Variants in RMDN3 observed in about 807,000 individuals in gnomAD.
The protein encoded by RMDN3 is regulator of microtubule dynamics 3, also known as regulator of microtubule dynamics protein 3.
A neutral mutation model predicts 61.8 loss-of-function variants in RMDN3; 41 were observed. The ratio of observed to expected loss-of-function variants is 0.66; its 90% CI spans 0.52 to 0.86. The LOEUF (loss-of-function observed/expected upper bound fraction) is 0.86, where lower values mean the gene tolerates loss of function less well. RMDN3 is among the 40% of genes least tolerant of loss of function. The pLI is 0.00. For missense variants in RMDN3, 557 were observed against 585.3 expected, an observed-to-expected ratio of 0.95 and a Z score of 0.50; for synonymous variants, 247 against 232.0, an observed-to-expected ratio of 1.06 and a Z score of -0.59.
intron 2 of RMDN3, among the ~76,000 whole-genome samples, chr15:40,754,316 G>A (rs887295285): frequency 7.2e-5 from 11 of 152,144 alleles, no homozygotes; most frequent in Non-Finnish European, 1.6e-4. Flanking sequence ...TTTTAGTAGA[G>A]ATGGGGTTTC....
Position 40,737,106 on chromosome 15 carries a change from A to T in RMDN3, c.1359+18T>A. The T allele has an allele frequency of 6.3e-7, 1 of 1,599,428 alleles. No individual in the cohort carries two copies. Among genetic ancestry groups the T allele is most frequent in the Non-Finnish European group, 8.6e-7 (1 of 1,166,642 alleles). ...ACTTCAGGTGATCTGCCCAACAGGCAGTATTAAAAAGCCTTACCTCCTTCG... is the reference window on the plus strand; with the variant it reads ...ACTTCAGGTGATCTGCCCAACAGGCTGTATTAAAAAGCCTTACCTCCTTCG... On this transcript the variant is annotated intron_variant, in intron 12 of 12. Transcript: ENST00000338376.
chr15:40,751,057 G>C (rs1455257946), intron 4 of RMDN3, among the ~76,000 whole-genome samples: 2 of 152,210 alleles, frequency 1.3e-5, no homozygotes, highest in African/African-American at 4.8e-5. Context: ...GGAAGAGGGT[G>C]ACTCCCAGGG....
chr15:40,741,448 C>T (rs1002392014), intron 6 of RMDN3, among the ~76,000 whole-genome samples: 3 of 151,986 alleles, frequency 2.0e-5, no homozygotes, highest in East Asian at 1.9e-4. Flanking sequence ...CCAGAGATGA[C>T]GTTCACTTAG....
chr15:40,750,462 C>T (rs12438182), intron 4 of RMDN3, among the ~76,000 whole-genome samples: 3 of 151,754 alleles, frequency 2.0e-5, no homozygotes, highest in Non-Finnish European at 2.9e-5. Flanking sequence ...TCAGGTGATC[C>T]GCCCACCTTG....
intron 7 of RMDN3, 91 bp from the exon 8 acceptor site, chr15:40,738,667 C>G (rs2304582): frequency 0.53 from 654,995 of 1,239,108 alleles, 178,823 homozygotes; most frequent in East Asian, 0.82. Flanking sequence ...TGCATTGTCC[C>G]CTATCCCTGT....
At chr15:40,751,398 A>G (rs753687903) in intron 4 of RMDN3, 28 bp downstream of exon 4, 22 of 1,609,230 alleles carry the variant, frequency 1.4e-5, no homozygotes, top group African/African-American at 1.2e-4. Context: ...GGCTGTAGCC[A>G]TAACTGCCTC....
chr15:40,743,999 C>G (rs1385437828), intron 6 of RMDN3, 48 bp downstream of exon 6: 1 of 1,528,446 alleles, frequency 6.5e-7, no homozygotes, highest in East Asian at 2.3e-5. Flanking sequence ...GCCAGCCCCA[C>G]CCCTGAATCA....
At chr15:40,744,347 C>A in intron 5 of RMDN3, 198 bp from the exon 6 acceptor site, 1 of 563,658 alleles carries the variant, frequency 1.8e-6, no homozygotes, top group East Asian at 3.1e-5. Context: ...CATTCTCTGT[C>A]TAGCCAGTAG....
At chr15:40,741,399 C>G (rs1897271760) in intron 6 of RMDN3, among the ~76,000 whole-genome samples, 1 of 152,034 alleles carries the variant, frequency 6.6e-6, no homozygotes, top group African/African-American at 2.4e-5. Context: ...AGCTCTAGGC[C>G]AAAACTCTTT....
Position 40,737,647 on chromosome 15 carries a change from G to C in RMDN3, c.1205C>G (p.Ala402Gly), listed in dbSNP as rs778478991. ...TCATACCTTTAGGAAGCTCTGGAGG[G>C]CATCTTCCACAGTGGCACTGAGAGG... ...ESPLSATVED[A>G]LQSFLKAEEL... is the part of the protein sequence containing the mutation. The change falls in exon 10 of 13, where the codon GCC becomes GGC. Residue 402 changes from alanine to glycine, a missense_variant. Ala to Gly is a moderately conservative substitution (Grantham distance 60). Coordinates refer to ENST00000338376, the MANE Select transcript of RMDN3 (RefSeq NM_018145.3). The C allele has an allele frequency of 1.2e-6, 2 of 1,613,960 alleles. No homozygotes were observed. The highest frequency in any genetic ancestry group is 1.7e-6 in the Non-Finnish European group (2 of 1,179,908).
intron 6 of RMDN3, among the ~76,000 whole-genome samples, chr15:40,742,961 G>C (rs1897340993): frequency 6.6e-6 from 1 of 152,060 alleles, no homozygotes; most frequent in Non-Finnish European, 1.5e-5. Flanking sequence ...TTTTTCTGAG[G>C]GTCTACAGAG....
Position 40,744,168 on chromosome 15 carries a change from C to T in RMDN3, c.808-19G>A, listed in dbSNP as rs770466009. The T allele has an allele frequency of 2.9e-5, 47 of 1,610,276 alleles. No individual in the cohort carries two copies. The highest frequency in any genetic ancestry group is 2.0e-4 in the East Asian group (9 of 44,864). On this transcript the variant is annotated intron_variant, in intron 5 of 12. Coordinates refer to ENST00000338376, the MANE Select transcript of RMDN3 (RefSeq NM_018145.3). ...TTCCATACTGCAGACCAGACAGAAA[C>T]GGGTGAGGCCCCTTTTTCCTCAACT...
At chr15:40,737,547 C>T (rs1897105349) in intron 10 of RMDN3, 81 bp downstream of exon 10, 1 of 1,329,974 alleles carries the variant, frequency 7.5e-7, no homozygotes. Flanking sequence ...GAAAACCCCT[C>T]CCATTAAGGG....
chr15:40,741,911 A>G (rs905626077), intron 6 of RMDN3, among the ~76,000 whole-genome samples: 1 of 151,846 alleles, frequency 6.6e-6, no homozygotes, highest in African/African-American at 2.4e-5. Flanking sequence ...ACAGGTGCGA[A>G]CCACCGTGCC....
chr15:40,749,289 G>C (rs1277364310), intron 4 of RMDN3, among the ~76,000 whole-genome samples: 3 of 152,236 alleles, frequency 2.0e-5, no homozygotes, highest in Non-Finnish European at 2.9e-5. Context: ...TGATGTGGGA[G>C]AACTGCTTGA....
chr15:40,737,120 T>C lies in RMDN3; in HGVS notation c.1359+4A>G. The C allele has an allele frequency of 6.2e-7, 1 of 1,613,554 alleles. No homozygotes were observed. Among genetic ancestry groups the C allele is most frequent in the Non-Finnish European group, 8.5e-7 (1 of 1,179,454 alleles). ...GCCCAACAGGCAGTATTAAAAAGCC[T>C]TACCTCCTTCGTGACATCTGGCAGC... On this transcript the variant is annotated splice_donor_region_variant and intron_variant, in intron 12 of 12. Coordinates refer to ENST00000338376, the MANE Select transcript of RMDN3 (RefSeq NM_018145.3).
chr15:40,739,986 A>G, intron 7 of RMDN3, 147 bp downstream of exon 7: 2 of 660,134 alleles, frequency 3.0e-6, no homozygotes, highest in Non-Finnish European at 5.5e-6. Flanking sequence ...GGCTAGGGGT[A>G]GACTGAGGCA....
rs188268723 is a variant in RMDN3, at chr15:40,744,098, T to C, written c.859A>G (p.Met287Val). The C allele has an allele frequency of 3.6e-5, 58 of 1,613,670 alleles. No individual in the cohort carries two copies. In the African/African-American group the frequency reaches 6.0e-4, roughly 17 times the overall value. ...CTCACCTCCTCAGTGAGCTCACACATGTCACTGTAGGCTCGGGCCAGGCGC... is the reference window on the plus strand; with the variant it reads ...CTCACCTCCTCAGTGAGCTCACACACGTCACTGTAGGCTCGGGCCAGGCGC... ...LWRLARAYSD[M>V]CELTEEVSEK... Residue 287 changes from methionine (M) to valine (V), a missense_variant, in exon 6 of 13, where the codon ATG becomes GTG. Met to Val is a conservative substitution (Grantham distance 21, BLOSUM62 1). Coordinates refer to ENST00000338376, the MANE Select transcript of RMDN3 (RefSeq NM_018145.3).
In RMDN3 at chr15:40,738,481, G is replaced by A. The variant is rs368734119; in HGVS notation, c.1047+20C>T. 2.5e-6 allele frequency: 4 copies of A among 1,613,254 alleles called. No homozygotes were observed. The highest frequency in any genetic ancestry group is 3.4e-6 in the Non-Finnish European group (4 of 1,179,384). On this transcript the variant is annotated intron_variant, in intron 8 of 12. Transcript: ENST00000338376. ...TCTGGGATAGGCCAGCACAAGGAAG[G>A]AGGAAAAGCCTGTCCTCACCTTGAA...
Sources: allele counts gnomAD v4.1 joint callset (sites outside exome capture counted in the v4.1 genomes callset), GRCh38; gene constraint gnomAD v4.1.1; transcripts MANE v1.5; gene names NCBI Gene and HGNC (gene_info 2026-07-23, HGNC 2026-07-21).